Variants in SYN3 observed in about 807,000 individuals in gnomAD.
The protein encoded by SYN3 is synapsin III.
Under a neutral mutation model 65.8 loss-of-function variants are expected in SYN3, and 35 were observed. The observed-to-expected ratio is 0.53, with a 90% confidence interval of 0.41 to 0.70. The LOEUF (loss-of-function observed/expected upper bound fraction) is 0.70. SYN3 is among the 30% of genes least tolerant of loss of function. SYN3 has a pLI of 0.00. For missense variants in SYN3, 680 were observed against 749.0 expected (o/e 0.91, Z 1.08); for synonymous variants, 270 against 292.9 (o/e 0.92, Z 0.80).
intron 6 of SYN3, among the ~76,000 whole-genome samples, chr22:32,630,087 A>G (rs2059726469): frequency 6.6e-6 from 1 of 151,318 alleles, no homozygotes; most frequent in East Asian, 1.9e-4. Context: ...GGGTTCAAGC[A>G]ATTCTCCTGC....
At chr22:32,588,134 C>T (rs766289716) in intron 7 of SYN3, among the ~76,000 whole-genome samples, 2 of 142,848 alleles carry the variant, frequency 1.4e-5, no homozygotes, top group Middle Eastern at 3.5e-3. Flanking sequence ...TATTATTGCT[C>T]GTATTATTAC....
chr22:33,053,592 T>C (rs371312524), intron 1 of SYN3, among the ~76,000 whole-genome samples: 3 of 152,068 alleles, frequency 2.0e-5, no homozygotes, highest in African/African-American at 4.8e-5. Context: ...TCTTGATGAG[T>C]TGGAGAATGC....
Position 33,008,924 on chromosome 22 carries a change from C to CAAAAAAAAAAAAAAAAAAAAAAAAAA in SYN3, c.-162-2126_-162-2101dup. ...TGGGTGACAGAGTAAGACTTTATCT[C>CAAAAAAAAAAAAAAAAAAAAAAAAAA]AAAAAAAAAAAAAAAAAAAAAAAAA... On this transcript the variant is annotated intron_variant, in intron 1 of 13. Transcript: ENST00000358763. Among the ~76,000 whole-genome samples, 2 of 57,064 alleles carry CAAAAAAAAAAAAAAAAAAAAAAAAAA rather than the reference C, an allele frequency of 3.5e-5. 1 individual carries two copies. Among genetic ancestry groups the CAAAAAAAAAAAAAAAAAAAAAAAAAA allele is most frequent in the Non-Finnish European group, 6.5e-5 (2 of 30,976 alleles). 37.4% of individuals were successfully genotyped at this position (57,064 alleles called of 152,430 possible).
At position 32,638,682 on chromosome 22, in the gene SYN3, T is replaced by C. The variant is rs545518125; in HGVS notation, c.712-41946A>G. ...GGCTATCGGTTTTTTGGTTGTTCAA[T>C]TGTTTAAATTCTGTATAGATTCCAC... is the stretch of plus-strand genomic sequence containing the variant. On this transcript the variant is annotated intron_variant, in intron 6 of 13. Transcript: ENST00000358763. 3.9e-5 allele frequency among the ~76,000 whole-genome samples: 6 copies of C among 152,332 alleles called. No individual in the cohort carries two copies. In the East Asian group the frequency reaches 9.6e-4, roughly 24 times the overall value.
At chr22:32,575,551 C>T (rs2058839073) in intron 7 of SYN3, among the ~76,000 whole-genome samples, 1 of 152,156 alleles carries the variant, frequency 6.6e-6, no homozygotes, top group Non-Finnish European at 1.5e-5. Flanking sequence ...TAGCTGAGGC[C>T]ACATTTGAGG....
In SYN3 at chr22:32,731,052, T is replaced by C. The variant is rs940957789; in HGVS notation, c.711+133863A>G. On this transcript the variant is annotated intron_variant, in intron 6 of 13. Transcript: ENST00000358763. The stretch of plus-strand genomic sequence containing the variant: ...TCCATGACACTCACCCCAGAGGTGA[T>C]TGCTTGTCACCTGGCTGGCCTATGA... Among the ~76,000 whole-genome samples the C allele has an allele frequency of 3.3e-5, 5 of 152,158 alleles. No homozygotes were observed. The East Asian group carries it at 5.8e-4, about 18-fold the overall frequency.
rs550430827 is a variant in SYN3, at chr22:32,789,889, TAC to T, written c.711+75024_711+75025del. On this transcript the variant is annotated intron_variant, in intron 6 of 13. Coordinates refer to ENST00000358763, the MANE Select transcript of SYN3 (RefSeq NM_003490.4). ...TCCCAGCTTGGGTGGGAGGAAAGGC[TAC>T]TTGTAGATTGTCTTAATAATATTGA... 2.3e-3 allele frequency among the ~76,000 whole-genome samples: 354 copies of T among 152,330 alleles called. 1 individual carries two copies. Among genetic ancestry groups the T allele is most frequent in the Admixed American group, 5.0e-3 (77 of 15,306 alleles).
At chr22:32,857,821 G>A (rs2048414548) in intron 6 of SYN3, among the ~76,000 whole-genome samples, 1 of 152,140 alleles carries the variant, frequency 6.6e-6, no homozygotes, top group Non-Finnish European at 1.5e-5. Flanking sequence ...ACCTCTCCAA[G>A]CCTCATTATC....
intron 4 of SYN3, among the ~76,000 whole-genome samples, chr22:32,914,604 AT>A (rs200821807): frequency 0.061 from 8,947 of 147,416 alleles, 859 homozygotes; most frequent in African/African-American, 0.2. Flanking sequence ...TGCCCGGCTA[AT>A]TTTTTTTTTT....
At chr22:32,840,812 C>T (rs964414069) in intron 6 of SYN3, among the ~76,000 whole-genome samples, 6 of 152,200 alleles carry the variant, frequency 3.9e-5, no homozygotes, top group African/African-American at 1.4e-4. Flanking sequence ...TGGCTCTGTC[C>T]TGGCTTTCCG....
chr22:32,564,945 C>G (rs373961569), intron 7 of SYN3, among the ~76,000 whole-genome samples: 3 of 92,518 alleles, frequency 3.2e-5, no homozygotes, highest in Non-Finnish European at 4.6e-5. Flanking sequence ...TGTACCCAAA[C>G]AGTGCTCCTG....
chr22:32,918,221 A>G (rs988407935), intron 4 of SYN3, among the ~76,000 whole-genome samples: 5 of 152,242 alleles, frequency 3.3e-5, no homozygotes, highest in Non-Finnish European at 4.4e-5. Context: ...TGGGGCCACA[A>G]TTCGGAAAAA....
intron 6 of SYN3, among the ~76,000 whole-genome samples, chr22:32,770,388 C>A (rs562578338): frequency 6.6e-6 from 1 of 152,290 alleles, no homozygotes; most frequent in East Asian, 1.9e-4. Context: ...ATAAAATAAA[C>A]TCCTTACCAT....
intron 1 of SYN3, among the ~76,000 whole-genome samples, chr22:33,010,814 G>T (rs1451468850): frequency 2.6e-5 from 4 of 152,114 alleles, no homozygotes; most frequent in African/African-American, 4.8e-5. Context: ...TCAATATAGA[G>T]ATCTCGCATA....
At chr22:33,013,785 G>GTTT (rs1405469881) in intron 1 of SYN3, among the ~76,000 whole-genome samples, 1 of 152,072 alleles carries the variant, frequency 6.6e-6, no homozygotes, top group East Asian at 1.9e-4. Flanking sequence ...GAGTTCAATG[G>GTTT]TTTTAGATGC....
intron 6 of SYN3, among the ~76,000 whole-genome samples, chr22:32,630,098 C>G (rs973856210): frequency 6.6e-6 from 1 of 151,842 alleles, no homozygotes; most frequent in Non-Finnish European, 1.5e-5. Context: ...ATTCTCCTGC[C>G]TCAGCCTCCC....
chr22:33,037,204 T>A (rs1038068859), intron 1 of SYN3, among the ~76,000 whole-genome samples: 2 of 152,190 alleles, frequency 1.3e-5, no homozygotes, highest in Non-Finnish European at 2.9e-5. Flanking sequence ...TGTATGGCAA[T>A]CCTTTGTTAT....
At chr22:32,890,196 G>A (rs547620065) in intron 4 of SYN3, among the ~76,000 whole-genome samples, 3 of 146,544 alleles carry the variant, frequency 2.0e-5, no homozygotes, top group South Asian at 2.2e-4. Flanking sequence ...CTCTCACCTC[G>A]GCCTCCCAAG....
chr22:33,053,732 C>G (rs1039258218), intron 1 of SYN3, among the ~76,000 whole-genome samples: 2 of 152,138 alleles, frequency 1.3e-5, no homozygotes, highest in African/African-American at 4.8e-5. Flanking sequence ...CCCAACCACC[C>G]GCCAACCCCC....
Sources: gnomAD v4.1 joint callset for allele counts (sites outside exome capture counted in the v4.1 genomes callset) on GRCh38, gnomAD v4.1.1 for gene constraint, MANE v1.5 for transcripts, NCBI Gene and HGNC (gene_info 2026-07-23, HGNC 2026-07-21) for gene names.